BAZ2B: variants seen among roughly 807,000 people sequenced by gnomAD.
BAZ2B encodes bromodomain adjacent to zinc finger domain protein 2B.
Under a neutral mutation model 246.0 loss-of-function variants are expected in BAZ2B, and 91 were observed. That is an observed-to-expected ratio of 0.37 (90% CI 0.31 to 0.44). The LOEUF (loss-of-function observed/expected upper bound fraction) is 0.44, where lower values mean the gene tolerates loss of function less well. Ranked by LOEUF, BAZ2B falls within the 20% of genes least tolerant of loss-of-function variation. The pLI, the probability that BAZ2B is intolerant of heterozygous loss-of-function variation, is 1.00. For missense variants in BAZ2B, 2,332 were observed against 2,533.7 expected (o/e 0.92, Z 1.71); for synonymous variants, 855 against 860.0 (o/e 0.99, Z 0.10).
chr2:159,397,610 G>A (rs545459160), intron 18 of BAZ2B, among the ~76,000 whole-genome samples: 1 of 152,196 alleles, frequency 6.6e-6, no homozygotes, highest in East Asian at 1.9e-4. Context: ...TGGTAAATAT[G>A]GTAGCAAGGA....
At chr2:159,344,837 G>T (rs1575820658) in intron 31 of BAZ2B, among the ~76,000 whole-genome samples, 1 of 152,064 alleles carries the variant, frequency 6.6e-6, no homozygotes, top group Admixed American at 6.6e-5. Context: ...TCTCATAGAA[G>T]TAAAAAGTAG....
At chr2:159,337,164 C>T (rs1452936710) in intron 32 of BAZ2B, 87 bp from the exon 33 acceptor site, 3 of 1,469,668 alleles carry the variant, frequency 2.0e-6, no homozygotes, top group African/African-American at 1.4e-5. Flanking sequence ...GAAAGCCAAG[C>T]AATGACAAAA....
chr2:159,429,229 T>C lies in BAZ2B; in HGVS notation c.2226A>G (p.Glu742=). The C allele has an allele frequency of 1.3e-6, 2 of 1,561,728 alleles. No individual in the cohort carries two copies. The highest frequency in any genetic ancestry group is 1.3e-5 in the African/African-American group (1 of 74,286). ...GTSKRRRVTD[E]RELRIPLEYG... ...ATTCCAATGGAATACGCAGTTCACG[T>C]TCATCTGTTACTCTTCTTCTTTTGG... The change falls in exon 11 of 37, where the codon GAA becomes GAG. Residue 742 remains glutamate (E), a synonymous_variant. Transcript: ENST00000392783.
At chr2:159,461,041 A>C (rs1052154797) in intron 3 of BAZ2B, 1 of 152,618 alleles carries the variant, frequency 6.6e-6, no homozygotes, top group Non-Finnish European at 1.5e-5. Context: ...ATTTGAAATA[A>C]ACAAAAATGC....
At chr2:159,495,484 C>CAAAAAAAA (rs56365046) in intron 2 of BAZ2B, among the ~76,000 whole-genome samples, 5 of 73,212 alleles carry the variant, frequency 6.8e-5, no homozygotes, top group African/African-American at 2.6e-4. Context: ...GACTCCGTCT[C>CAAAAAAAA]AAAAAAAAAA....
At position 159,349,731 on chromosome 2, in the gene BAZ2B, G is replaced by C; in HGVS notation, c.4840C>G (p.Pro1614Ala). 1 of 1,613,766 alleles carries C rather than the reference G, an allele frequency of 6.2e-7. No individual in the cohort carries two copies. The highest frequency in any genetic ancestry group is 8.5e-7 in the Non-Finnish European group (1 of 1,179,840). Residue 1614 changes from proline (P) to alanine (A), a missense_variant, in exon 28 of 37, where the codon CCA (proline) becomes GCA (alanine). By Grantham distance (27) the Pro-to-Ala change is conservative. This residue lies in a region of BAZ2B where 676 missense variants were observed against 668.6 expected (regional missense o/e 1.01). Transcript: ENST00000392783. ...SSAQNPVGLNPFALSPLQVKG... is the reference protein window; with the variant it reads ...SSAQNPVGLNAFALSPLQVKG... ...ACCTGAAGAGGTGATAAAGCAAATGGATTTAAGCCAACAGGATTCTGAGCA... is the reference window on the plus strand; with the variant it reads ...ACCTGAAGAGGTGATAAAGCAAATGCATTTAAGCCAACAGGATTCTGAGCA...
chr2:159,406,203 T>C (rs901587831), intron 14 of BAZ2B, among the ~76,000 whole-genome samples: 1 of 152,228 alleles, frequency 6.6e-6, no homozygotes, highest in African/African-American at 2.4e-5. Context: ...TTAGCAGTTG[T>C]GATGAAAACA....
At chr2:159,509,211 CAG>C (rs2082651938) in intron 2 of BAZ2B, among the ~76,000 whole-genome samples, 1 of 151,986 alleles carries the variant, frequency 6.6e-6, no homozygotes, top group Non-Finnish European at 1.5e-5. Flanking sequence ...ACTTTCCAGT[CAG>C]ATATAATTCA....
chr2:159,694,498 T>C, the BAZ2B span: 1 of 152,194 alleles, frequency 6.6e-6, no homozygotes, highest in Admixed American at 6.5e-5. Context: ...TACCTCTTGC[T>C]TTTCCCAGTA....
upstream of BAZ2B, among the ~76,000 whole-genome samples, chr2:159,617,822 T>C (rs1469799561): frequency 6.6e-6 from 1 of 151,322 alleles, no homozygotes; most frequent in Non-Finnish European, 1.5e-5. Flanking sequence ...GCACTGAGAA[T>C]GTCAGCCTTA....
chr2:159,648,596 G>T, the BAZ2B span, among the ~76,000 whole-genome samples: 3 of 152,114 alleles, frequency 2.0e-5, no homozygotes, highest in Middle Eastern at 3.4e-3. Context: ...TTTTTGTCTG[G>T]CTTCTTCCAT....
chr2:159,554,488 A>G (rs1228216565), intron 2 of BAZ2B, among the ~76,000 whole-genome samples: 1 of 152,116 alleles, frequency 6.6e-6, no homozygotes, highest in Non-Finnish European at 1.5e-5. Flanking sequence ...GAAAATGAAT[A>G]AAATATGCTA....
chr2:159,655,475 C>T, the BAZ2B span, among the ~76,000 whole-genome samples: 15 of 152,232 alleles, frequency 9.9e-5, no homozygotes, highest in African/African-American at 3.6e-4. Flanking sequence ...AGCACTTTCA[C>T]GATAATGTTT....
chr2:159,577,071 T>G (rs745695239), intron 1 of BAZ2B, among the ~76,000 whole-genome samples: 1 of 150,878 alleles, frequency 6.6e-6, no homozygotes, highest in African/African-American at 2.4e-5. Context: ...TCCAAAAAAT[T>G]TTAAAAATTA....
At chr2:159,523,206 C>T (rs2084329769) in intron 2 of BAZ2B, among the ~76,000 whole-genome samples, 1 of 151,872 alleles carries the variant, frequency 6.6e-6, no homozygotes, top group Non-Finnish European at 1.5e-5. Context: ...AGTTCTAGGC[C>T]AGCCTGGGTA....
chr2:159,609,198 C>T (rs1037356786), intron 1 of BAZ2B, among the ~76,000 whole-genome samples: 2 of 152,192 alleles, frequency 1.3e-5, no homozygotes, highest in Non-Finnish European at 2.9e-5. Context: ...GCTGGCCTAA[C>T]TTACCAATAC....
chr2:159,354,065 A>T (rs1238066594), intron 27 of BAZ2B, among the ~76,000 whole-genome samples: 1 of 152,212 alleles, frequency 6.6e-6, no homozygotes, highest in Admixed American at 6.5e-5. Flanking sequence ...AATAGTCACA[A>T]ATATTTTCCT....
the BAZ2B span, among the ~76,000 whole-genome samples, chr2:159,640,245 C>T: frequency 6.6e-6 from 1 of 152,042 alleles, no homozygotes; most frequent in Admixed American, 6.6e-5. Context: ...GATTCCAATA[C>T]GATAATAGTG....
In BAZ2B at chr2:159,616,364, G is replaced by A. The variant is rs1160187855; in HGVS notation, c.-168C>T. On this transcript the variant is annotated 5_prime_UTR_variant, in exon 1 of 37. Transcript: ENST00000392783. ...TTCTATTATTATTTCTGCAAGAAAA[G>A]TATAAAGAGAGTTGTAGTGGAGGTG... The A allele has an allele frequency of 1.3e-5, 2 of 152,218 alleles. No homozygotes were observed. Among genetic ancestry groups the A allele is most frequent in the African/African-American group, 4.8e-5 (2 of 41,456 alleles). The allele number at this position is 152,218 out of a possible 1,614,324, so 9.4% of individuals were successfully genotyped here.
Sources: gnomAD v4.1 joint callset for allele counts (sites outside exome capture counted in the v4.1 genomes callset) on GRCh38, gnomAD v4.1.1 for gene constraint, gnomAD v4.1.1 regional missense constraint, MANE v1.5 for transcripts, NCBI Gene and HGNC (gene_info 2026-07-23, HGNC 2026-07-21) for gene names.